Variants in ENTREP2 observed in about 807,000 individuals in gnomAD.
The protein encoded by ENTREP2 is endosomal transmembrane epsin interactor 2.
the ENTREP2 span, among the ~76,000 whole-genome samples, chr15:29,330,416 T>G: frequency 2.6e-5 from 4 of 151,898 alleles, no homozygotes; most frequent in Non-Finnish European, 5.9e-5. Flanking sequence ...GCCACTGCAC[T>G]CCAGCCTGGG....
the ENTREP2 span, among the ~76,000 whole-genome samples, chr15:29,502,558 A>G: frequency 6.6e-6 from 1 of 151,998 alleles, no homozygotes; most frequent in Non-Finnish European, 1.5e-5. Flanking sequence ...GGACACTGAA[A>G]GCATGTGTGA....
At chr15:29,195,982 T>C in the ENTREP2 span, among the ~76,000 whole-genome samples, 1 of 152,274 alleles carries the variant, frequency 6.6e-6, no homozygotes, top group South Asian at 2.1e-4. Context: ...TTTTTCCAAA[T>C]CACTTTTTTT....
chr15:29,284,314 T>C, the ENTREP2 span, among the ~76,000 whole-genome samples: 1 of 151,876 alleles, frequency 6.6e-6, no homozygotes, highest in Non-Finnish European at 1.5e-5. Context: ...TCCCAGCACT[T>C]TGGGAGGCTG....
the ENTREP2 span, among the ~76,000 whole-genome samples, chr15:29,441,269 G>C: frequency 2.0e-5 from 3 of 152,218 alleles, no homozygotes; most frequent in Non-Finnish European, 4.4e-5. Flanking sequence ...CAAATTCTTA[G>C]AGACAGGAAG....
chr15:29,223,809 C>T, the ENTREP2 span, among the ~76,000 whole-genome samples: 2 of 152,176 alleles, frequency 1.3e-5, no homozygotes, highest in African/African-American at 4.8e-5. Flanking sequence ...AAGGCCTCAT[C>T]CTTCTACACT....
chr15:29,138,589 G>A, the ENTREP2 span, among the ~76,000 whole-genome samples: 1 of 82,322 alleles, frequency 1.2e-5, no homozygotes, highest in Admixed American at 1.1e-4. Flanking sequence ...GCATGTGTCT[G>A]TGTATATATG....
At chr15:29,353,951 C>T in the ENTREP2 span, among the ~76,000 whole-genome samples, 3 of 152,176 alleles carry the variant, frequency 2.0e-5, no homozygotes, top group South Asian at 2.1e-4. Flanking sequence ...CTTAATTTTA[C>T]GAGCCAACTT....
chr15:29,251,452 C>T, the ENTREP2 span, among the ~76,000 whole-genome samples: 1 of 152,254 alleles, frequency 6.6e-6, no homozygotes, highest in Non-Finnish European at 1.5e-5. Flanking sequence ...CAACCCACCA[C>T]GCTGCATGCA....
the ENTREP2 span, among the ~76,000 whole-genome samples, chr15:29,466,006 T>C: frequency 2.6e-5 from 4 of 152,192 alleles, no homozygotes; most frequent in African/African-American, 9.7e-5. Context: ...CATTCATTTA[T>C]CCAACAAATA....
the ENTREP2 span, among the ~76,000 whole-genome samples, chr15:29,163,218 C>G: frequency 2.6e-5 from 4 of 152,164 alleles, no homozygotes; most frequent in African/African-American, 9.7e-5. Context: ...GAAGGAACCA[C>G]AAAACCAATG....
At chr15:29,143,609 T>C in the ENTREP2 span, among the ~76,000 whole-genome samples, 131 of 152,286 alleles carry the variant, frequency 8.6e-4, no homozygotes, top group African/African-American at 3.0e-3. Context: ...ACAGGTTCTT[T>C]CTGAGAAAAG....
At chr15:29,422,136 G>C in the ENTREP2 span, among the ~76,000 whole-genome samples, 5 of 152,220 alleles carry the variant, frequency 3.3e-5, no homozygotes, top group South Asian at 1.0e-3. Context: ...CATGCATGGT[G>C]GTGGGCACCT....
At chr15:29,312,424 G>A in the ENTREP2 span, among the ~76,000 whole-genome samples, 1 of 152,000 alleles carries the variant, frequency 6.6e-6, no homozygotes, top group Non-Finnish European at 1.5e-5. Context: ...ACTTTATCAT[G>A]CTTCACAGAT....
the ENTREP2 span, among the ~76,000 whole-genome samples, chr15:29,364,124 A>G: frequency 2.6e-5 from 4 of 152,240 alleles, no homozygotes; most frequent in Non-Finnish European, 4.4e-5. Flanking sequence ...AAAGGAATCC[A>G]TGAAAGAATT....
At chr15:29,234,039 C>T in the ENTREP2 span, 3 of 1,463,566 alleles carry the variant, frequency 2.0e-6, no homozygotes, top group Non-Finnish European at 2.9e-6. Context: ...CAAGATCTTC[C>T]TCATCCTCTA....
At chr15:29,567,470 C>T in the ENTREP2 span, among the ~76,000 whole-genome samples, 3 of 152,202 alleles carry the variant, frequency 2.0e-5, no homozygotes, top group African/African-American at 7.2e-5. Flanking sequence ...TCTAAAAAGT[C>T]AGAGCAACTA....
chr15:29,494,451 T>C, the ENTREP2 span, among the ~76,000 whole-genome samples: 4 of 152,256 alleles, frequency 2.6e-5, no homozygotes, highest in African/African-American at 9.6e-5. Flanking sequence ...ACATATTCAC[T>C]GTAAAATGAT....
the ENTREP2 span, among the ~76,000 whole-genome samples, chr15:29,271,445 AAAC>A: frequency 5.3e-5 from 8 of 152,208 alleles, no homozygotes; most frequent in African/African-American, 1.9e-4. Flanking sequence ...TTTTAAGAAA[AAAC>A]AACAAGGAAG....
the ENTREP2 span, among the ~76,000 whole-genome samples, chr15:29,665,508 G>A: frequency 6.6e-6 from 1 of 152,166 alleles, no homozygotes; most frequent in African/African-American, 2.4e-5. Flanking sequence ...GACCCTCCAG[G>A]GAACCCTTAC....
Sources: allele counts gnomAD v4.1 joint callset (sites outside exome capture counted in the v4.1 genomes callset), GRCh38; gene constraint gnomAD v4.1.1; transcripts MANE v1.5; gene names NCBI Gene and HGNC (gene_info 2026-07-23, HGNC 2026-07-21).